TUSC3: variants seen among roughly 807,000 people sequenced by gnomAD.
The protein encoded by TUSC3 is dolichyl-diphosphooligosaccharide--protein glycosyltransferase subunit TUSC3.
A neutral mutation model predicts 44.8 loss-of-function variants in TUSC3; 45 were observed. That is an observed-to-expected ratio of 1.00 (90% CI 0.79 to 1.29). TUSC3 has a LOEUF of 1.29. Ranked by LOEUF, TUSC3 falls within the 50% of genes most tolerant of loss-of-function variation. The pLI is 0.00. For synonymous variants in TUSC3, 212 were observed against 152.9 expected (o/e 1.39, Z -2.85); for missense variants, 519 against 437.9 (o/e 1.19, Z -1.65).
the TUSC3 span, chr8:15,806,794 A>G: frequency 1.2e-6 from 1 of 825,336 alleles, no homozygotes; most frequent in Non-Finnish European, 2.0e-6. Flanking sequence ...TTTCTAGCGG[A>G]TTTGCAATTT....
intron 2 of TUSC3, among the ~76,000 whole-genome samples, chr8:15,503,679 G>C (rs1400443791): frequency 7.2e-5 from 11 of 152,012 alleles, no homozygotes; most frequent in Non-Finnish European, 1.6e-4. Flanking sequence ...ACTCCAGCCT[G>C]GGTAACAGAG....
chr8:15,588,709 T>C (rs1426057133), intron 1 of TUSC3, among the ~76,000 whole-genome samples: 3 of 152,134 alleles, frequency 2.0e-5, no homozygotes. Flanking sequence ...TAAGTCATTA[T>C]ATTTTGAGTT....
At chr8:15,621,633 A>T in intron 1 of TUSC3, among the ~76,000 whole-genome samples, 1 of 148,080 alleles carries the variant, frequency 6.8e-6, no homozygotes, top group East Asian at 1.9e-4. Context: ...TTATATATAG[A>T]TAAATCTATA....
At chr8:15,467,328 C>T (rs1474238331) in intron 1 of TUSC3, among the ~76,000 whole-genome samples, 5 of 149,172 alleles carry the variant, frequency 3.4e-5, no homozygotes, top group Admixed American at 2.7e-4. Flanking sequence ...TCTTCTCTCA[C>T]AATAATCCTC....
chr8:15,726,810 A>G (rs1406259970), intron 6 of TUSC3, among the ~76,000 whole-genome samples: 1 of 152,150 alleles, frequency 6.6e-6, no homozygotes, highest in East Asian at 1.9e-4. Flanking sequence ...TTGTCTCAAA[A>G]ACAAAAGAAA....
At chr8:15,654,524 A>G (rs1028207856) in intron 3 of TUSC3, among the ~76,000 whole-genome samples, 2 of 152,174 alleles carry the variant, frequency 1.3e-5, no homozygotes, top group African/African-American at 2.4e-5. Flanking sequence ...TTTACACTGC[A>G]TTGCAGGAGC....
chr8:15,837,018 G>A, the TUSC3 span, among the ~76,000 whole-genome samples: 4 of 152,028 alleles, frequency 2.6e-5, no homozygotes, highest in East Asian at 7.7e-4. Context: ...AGGTAGGTCT[G>A]ATTTTTCATT....
At chr8:15,798,652 G>GC in the TUSC3 span, among the ~76,000 whole-genome samples, 2 of 151,260 alleles carry the variant, frequency 1.3e-5, no homozygotes, top group African/African-American at 4.9e-5. Context: ...GGGTGTGTGG[G>GC]GGGGGTCCTC....
intron 7 of TUSC3, among the ~76,000 whole-genome samples, chr8:15,735,892 G>GT (rs1233785067): frequency 0.012 from 1,799 of 148,412 alleles, 15 homozygotes; most frequent in South Asian, 0.025. Context: ...TGTTTTTTTG[G>GT]TTTTTTTTTG....
chr8:15,781,187 A>G, the TUSC3 span, among the ~76,000 whole-genome samples: 1 of 152,210 alleles, frequency 6.6e-6, no homozygotes, highest in African/African-American at 2.4e-5. Flanking sequence ...AGGTGCAGGC[A>G]TATGCCACAG....
intron 2 of TUSC3, among the ~76,000 whole-genome samples, chr8:15,484,571 G>T (rs1800711058): frequency 6.6e-6 from 1 of 152,182 alleles, no homozygotes; most frequent in Non-Finnish European, 1.5e-5. Flanking sequence ...TCTCATTCCG[G>T]TGTAGGGCAT....
chr8:15,810,738 G>C, the TUSC3 span, among the ~76,000 whole-genome samples: 2 of 152,156 alleles, frequency 1.3e-5, no homozygotes, highest in Admixed American at 1.3e-4. Flanking sequence ...CCAGCAGATT[G>C]AAGTCGCCCT....
At chr8:15,607,399 T>C (rs1296207368) in intron 1 of TUSC3, among the ~76,000 whole-genome samples, 9 of 152,186 alleles carry the variant, frequency 5.9e-5, no homozygotes, top group Non-Finnish European at 5.9e-5. Flanking sequence ...ACAGTTATAA[T>C]ACATTTGTAA....
At chr8:15,651,258 G>C (rs1585194301) in intron 3 of TUSC3, among the ~76,000 whole-genome samples, 2 of 152,274 alleles carry the variant, frequency 1.3e-5, no homozygotes, top group African/African-American at 4.8e-5. Context: ...GTGTATTATA[G>C]ATAGTATTTT....
intron 7 of TUSC3, among the ~76,000 whole-genome samples, chr8:15,740,022 C>A (rs550199648): frequency 6.6e-6 from 1 of 152,148 alleles, no homozygotes; most frequent in Non-Finnish European, 1.5e-5. Flanking sequence ...AATTGTAGTG[C>A]TGGAACAAAG....
At chr8:15,686,491 A>AT (rs535686493) in intron 6 of TUSC3, among the ~76,000 whole-genome samples, 2,142 of 148,900 alleles carry the variant, frequency 0.014, 24 homozygotes, top group East Asian at 0.036. Flanking sequence ...TCATCGAGGC[A>AT]TTTTTTTTTT....
intron 6 of TUSC3, among the ~76,000 whole-genome samples, chr8:15,702,727 C>A (rs1455315487): frequency 1.3e-5 from 2 of 152,116 alleles, no homozygotes; most frequent in Non-Finnish European, 2.9e-5. Context: ...GGAAGTATTA[C>A]CTTTTTTTCT....
upstream of TUSC3, among the ~76,000 whole-genome samples, chr8:15,539,544 T>C (rs1014468930): frequency 3.3e-5 from 5 of 151,420 alleles, no homozygotes; most frequent in Non-Finnish European, 7.4e-5. Context: ...AGAAATGGGG[T>C]TTCCCCATGT....
At chr8:15,686,174 A>G (rs780781655) in intron 6 of TUSC3, among the ~76,000 whole-genome samples, 2 of 152,212 alleles carry the variant, frequency 1.3e-5, no homozygotes, top group African/African-American at 2.4e-5. Context: ...AAGGGAAACT[A>G]TACAAACATA....
Sources: gnomAD v4.1 joint callset for allele counts (sites outside exome capture counted in the v4.1 genomes callset) on GRCh38, gnomAD v4.1.1 for gene constraint, MANE v1.5 for transcripts, NCBI Gene and HGNC (gene_info 2026-07-23, HGNC 2026-07-21) for gene names.